The following MAD1L1 variants were observed in gnomAD, a reference collection of about 807,000 sequenced individuals.
MAD1L1 encodes the protein mitotic spindle assembly checkpoint protein MAD1.
A neutral mutation model predicts 96.9 loss-of-function variants in MAD1L1; 95 were observed. The observed-to-expected ratio is 0.98, with a 90% CI of 0.83 to 1.16. The LOEUF (loss-of-function observed/expected upper bound fraction) is 1.16, where lower values mean the gene tolerates loss of function less well. Ranked by LOEUF, MAD1L1 falls within the 50% of genes most tolerant of loss-of-function variation. MAD1L1 has a pLI of 0.00. For missense variants in MAD1L1, 1,007 were observed against 954.4 expected (o/e 1.06, Z -0.73); for synonymous variants, 473 against 396.6 (o/e 1.19, Z -2.29).
At chr7:2,049,488 T>G (rs1784071433) in intron 12 of MAD1L1, among the ~76,000 whole-genome samples, 1 of 152,224 alleles carries the variant, frequency 6.6e-6, no homozygotes, top group Admixed American at 6.5e-5. Context: ...GGCCTTCTGA[T>G]GGCACTCAAG....
chr7:2,015,829 T>C (rs1782514958), intron 12 of MAD1L1, among the ~76,000 whole-genome samples: 1 of 152,190 alleles, frequency 6.6e-6, no homozygotes, highest in Non-Finnish European at 1.5e-5. Flanking sequence ...TGGACGTAGA[T>C]TCAGGGTGGG....
intron 10 of MAD1L1, among the ~76,000 whole-genome samples, chr7:2,208,159 A>G (rs1372721113): frequency 1.3e-5 from 2 of 152,130 alleles, no homozygotes; most frequent in African/African-American, 4.8e-5. Context: ...TCTTATATGC[A>G]TTCCTAATAT....
chr7:1,939,385 C>A (rs1378555487), intron 16 of MAD1L1, among the ~76,000 whole-genome samples: 1 of 152,230 alleles, frequency 6.6e-6, no homozygotes, highest in African/African-American at 2.4e-5. Context: ...CACACACGGG[C>A]CAGGGCTCCC....
intron 15 of MAD1L1, among the ~76,000 whole-genome samples, chr7:1,976,304 G>A (rs1286885508): frequency 6.6e-6 from 1 of 152,232 alleles, no homozygotes; most frequent in African/African-American, 2.4e-5. Flanking sequence ...GGTGTGTCTG[G>A]AGTTTGTTCC....
intron 18 of MAD1L1, chr7:1,874,392 A>G: frequency 2.6e-6 from 1 of 390,146 alleles, no homozygotes. Flanking sequence ...CAGCACCGGG[A>G]CGGGGGTAAG....
chr7:1,844,963 C>T (rs958676707), intron 18 of MAD1L1, among the ~76,000 whole-genome samples: 6 of 152,218 alleles, frequency 3.9e-5, no homozygotes, highest in African/African-American at 1.4e-4. Context: ...GTCCCGCCAT[C>T]AGAAGGAGGA....
intron 18 of MAD1L1, chr7:1,845,871 C>A (rs1390931696): frequency 6.6e-6 from 1 of 152,662 alleles, no homozygotes; most frequent in African/African-American, 2.4e-5. Flanking sequence ...GCAGAGATCC[C>A]TCCAAGCCCC....
At chr7:1,825,848 G>A (rs543441393) in intron 18 of MAD1L1, among the ~76,000 whole-genome samples, 1 of 152,220 alleles carries the variant, frequency 6.6e-6, no homozygotes, top group East Asian at 1.9e-4. Flanking sequence ...CCCAGCCCCG[G>A]GGTTGGAGGT....
At chr7:1,818,826 A>G (rs1781969904) in intron 18 of MAD1L1, among the ~76,000 whole-genome samples, 2 of 149,384 alleles carry the variant, frequency 1.3e-5, no homozygotes, top group African/African-American at 5.0e-5. Context: ...GCTCTGGAAG[A>G]ATGATGCCCT....
chr7:1,837,175 G>A (rs374110219), intron 18 of MAD1L1, among the ~76,000 whole-genome samples: 2 of 152,332 alleles, frequency 1.3e-5, no homozygotes, highest in Non-Finnish European at 2.9e-5. Context: ...GCACTTCAGC[G>A]AAGACCAGCA....
intron 18 of MAD1L1, chr7:1,816,913 C>G (rs1425935033): frequency 1.3e-5 from 2 of 152,372 alleles, no homozygotes; most frequent in African/African-American, 2.4e-5. Context: ...CCACACAGCC[C>G]CAGGTCAGGC....
chr7:1,870,054 C>A (rs1240169700), intron 18 of MAD1L1, among the ~76,000 whole-genome samples: 2 of 152,174 alleles, frequency 1.3e-5, no homozygotes, highest in Non-Finnish European at 2.9e-5. Context: ...CCAGACACGG[C>A]AGAACAAGCC....
intron 11 of MAD1L1, among the ~76,000 whole-genome samples, chr7:2,143,880 G>A (rs1401750121): frequency 6.6e-6 from 1 of 152,194 alleles, no homozygotes; most frequent in Non-Finnish European, 1.5e-5. Flanking sequence ...AGCTCCATCT[G>A]CATCCACGGC....
rs377481471 is a variant in MAD1L1 at position 2,214,757 on chromosome 7, G to A, written c.924+1128C>T. ...CAGTTTCCTCCTCTGCCCGCAACATGACTGCAGGATGTTTTCCAGCACTGA... is the reference window on the plus strand; with the variant it reads ...CAGTTTCCTCCTCTGCCCGCAACATAACTGCAGGATGTTTTCCAGCACTGA... On this transcript the variant is annotated intron_variant, in intron 9 of 18. Coordinates refer to ENST00000265854, the MANE Select transcript of MAD1L1 (RefSeq NM_001013836.2). 5.7e-4 allele frequency among the ~76,000 whole-genome samples: 87 copies of A among 152,338 alleles called. 3 individuals are homozygous for A. The South Asian group carries it at 0.016, about 28-fold the overall frequency.
chr7:2,073,439 A>T lies in MAD1L1; in HGVS notation c.1074-4101T>A, dbSNP rs141926533. Reference sequence around the variant, plus strand: ...TCTACGATCGTCAGTCACCTCTTGGACCCAACCCCCTCCTCTTGCCCCTAC... The same window carrying T: ...TCTACGATCGTCAGTCACCTCTTGGTCCCAACCCCCTCCTCTTGCCCCTAC... On this transcript the variant is annotated intron_variant, in intron 11 of 18. Coordinates refer to ENST00000265854, the MANE Select transcript of MAD1L1 (RefSeq NM_001013836.2). Among the ~76,000 whole-genome samples the T allele has an allele frequency of 8.2e-3, 1,246 of 152,074 alleles. 12 individuals are homozygous for T. Among genetic ancestry groups the T allele is most frequent in the Non-Finnish European group, 0.014 (927 of 67,962 alleles).
chr7:2,172,562 C>T (rs531458378), intron 10 of MAD1L1, among the ~76,000 whole-genome samples: 18 of 152,346 alleles, frequency 1.2e-4, no homozygotes, highest in Middle Eastern at 3.4e-3. Flanking sequence ...AACGGGAGGG[C>T]GCCGCCGCCA....
chr7:2,100,401 C>A (rs1181925208), intron 11 of MAD1L1, among the ~76,000 whole-genome samples: 1 of 152,222 alleles, frequency 6.6e-6, no homozygotes, highest in Non-Finnish European at 1.5e-5. Flanking sequence ...GCGTGAAGCA[C>A]CTGCTTCCTG....
chr7:2,208,132 A>G (rs1013948099), intron 10 of MAD1L1, among the ~76,000 whole-genome samples: 2 of 152,160 alleles, frequency 1.3e-5, no homozygotes, highest in Admixed American at 6.5e-5. Context: ...CTCAGTGTAC[A>G]AATCTTACAC....
At chr7:2,185,031 T>G (rs1791391959) in intron 10 of MAD1L1, among the ~76,000 whole-genome samples, 2 of 151,944 alleles carry the variant, frequency 1.3e-5, no homozygotes, top group African/African-American at 4.8e-5. Flanking sequence ...AAAAATAAAA[T>G]GTAATGTACC....
Sources: allele counts gnomAD v4.1 joint callset (sites outside exome capture counted in the v4.1 genomes callset), GRCh38; gene constraint gnomAD v4.1.1; transcripts MANE v1.5; gene names NCBI Gene and HGNC (gene_info 2026-07-23, HGNC 2026-07-21).